ARHGEF10L: variants seen among roughly 807,000 people sequenced by gnomAD.
ARHGEF10L encodes the protein Rho guanine nucleotide exchange factor 10 like, also known as rho guanine nucleotide exchange factor 10-like protein.
In ARHGEF10L, 69 loss-of-function variants were observed where a neutral mutation model predicts 141.2. That is an observed-to-expected ratio of 0.49 (90% confidence interval 0.40 to 0.60). The LOEUF is 0.60. Among genes scored for constraint, ARHGEF10L ranks in the 20% least tolerant of loss-of-function variants. ARHGEF10L has a pLI of 0.00. For missense variants in ARHGEF10L, 1,482 were observed against 1,734.3 expected, an observed-to-expected ratio of 0.85 and a Z score of 2.58; for synonymous variants, 711 against 718.5, an observed-to-expected ratio of 0.99 and a Z score of 0.17.
At chr1:17,521,978 C>T in the ARHGEF10L span, among the ~76,000 whole-genome samples, 5 of 152,194 alleles carry the variant, frequency 3.3e-5, no homozygotes, top group African/African-American at 4.8e-5. Context: ...TTACGTAGCC[C>T]CCAGCTACCA....
chr1:17,619,230 C>A lies in ARHGEF10L; in HGVS notation c.836-109C>A. 9.1e-7 allele frequency: 1 copy of A among 1,103,810 alleles called. No individual in the cohort carries two copies. Among genetic ancestry groups the A allele is most frequent in the Non-Finnish European group, 1.3e-6 (1 of 753,942 alleles). The allele number at this position is 1,103,810 out of a possible 1,614,324, so 68.4% of individuals were successfully genotyped here. A position where few individuals can be genotyped will look rare whatever the true frequency, so the allele number is the denominator to read the frequency against. On this transcript the variant is annotated intron_variant, in intron 9 of 28. Transcript: ENST00000361221. This position sits in a 1 kb window ranked among gnomAD's most constrained non-coding sequence, Gnocchi z 5.0. ...ACGGGGCCCCAGGAGCTGCTTGCAC[C>A]CTAGGACCTGGGTCCAAGGCTGGTC...
Position 17,616,217 on chromosome 1 carries a change from G to A in ARHGEF10L, c.835+15G>A, listed in dbSNP as rs774419319. On this transcript the variant is annotated intron_variant, in intron 9 of 28. Coordinates refer to ENST00000361221, the MANE Select transcript of ARHGEF10L (RefSeq NM_018125.4). ...GGACGTCCTCGGTGAGGCGCTGCCC[G>A]AGCGGGAGGGTCTGGTGCCCAGCTC... The A allele has an allele frequency of 3.1e-6, 5 of 1,600,716 alleles. No homozygotes were observed. Among genetic ancestry groups the A allele is most frequent in the East Asian group, 4.5e-5 (2 of 44,708 alleles).
chr1:17,658,013 C>T (rs572376544), intron 25 of ARHGEF10L, among the ~76,000 whole-genome samples: 2 of 152,326 alleles, frequency 1.3e-5, no homozygotes, highest in East Asian at 1.9e-4. Flanking sequence ...GCCTGGGGTC[C>T]GTGTTTGGAT....
the ARHGEF10L span, among the ~76,000 whole-genome samples, chr1:17,533,177 G>A: frequency 2.6e-5 from 4 of 152,166 alleles, no homozygotes; most frequent in Non-Finnish European, 5.9e-5. Context: ...TCAAGGCTAG[G>A]ACAGAGTGTC....
chr1:17,617,663 A>T (rs926674912), intron 9 of ARHGEF10L, among the ~76,000 whole-genome samples: 1 of 152,244 alleles, frequency 6.6e-6, no homozygotes, highest in African/African-American at 2.4e-5. Flanking sequence ...ACAGGCCTCG[A>T]GCCAGGCAGG....
At chr1:17,670,121 C>T (rs1447102626) in intron 26 of ARHGEF10L, among the ~76,000 whole-genome samples, 1 of 152,258 alleles carries the variant, frequency 6.6e-6, no homozygotes, top group Admixed American at 6.5e-5. Flanking sequence ...AGAGGCAGCC[C>T]GCAAGTGGCC....
In ARHGEF10L at chr1:17,673,633, A is replaced by G. The variant is rs1396328254; in HGVS notation, c.3009+9038A>G. Among the ~76,000 whole-genome samples, 1 of 152,132 alleles carries G rather than the reference A, an allele frequency of 6.6e-6. No homozygotes were observed. Among genetic ancestry groups the G allele is most frequent in the Non-Finnish European group, 1.5e-5 (1 of 68,000 alleles). On this transcript the variant is annotated intron_variant, in intron 26 of 28. Coordinates refer to ENST00000361221, the MANE Select transcript of ARHGEF10L (RefSeq NM_018125.4). The surrounding 1 kb of genome is among the most constrained non-coding windows in gnomAD (Gnocchi z 4.1). The stretch of plus-strand genomic sequence containing the variant: ...TGAGCCTGGCAGCGGGGTAGCAGGG[A>G]AGGTCCACAGGAGGCAACCTCTGCA...
chr1:17,696,930 C>T lies in ARHGEF10L; in HGVS notation c.3390C>T (p.Ile1130=). The T allele has an allele frequency of 6.2e-7, 1 of 1,612,390 alleles. No homozygotes were observed. The highest frequency in any genetic ancestry group is 8.5e-7 in the Non-Finnish European group (1 of 1,179,642). Residue 1130 remains isoleucine, a synonymous_variant, in exon 29 of 29, where the codon ATC becomes ATT. Transcript: ENST00000361221. ...CTACCAGCATCCTGGCCCCTGACAT[C>T]CTGCGGAGTGACCAGGAGGAGGCTG... ...AVATSILAPD[I]LRSDQEEAEG...
rs927955390 is a variant in ARHGEF10L at position 17,673,387 on chromosome 1, T to C, written c.3009+8792T>C. 4.6e-5 allele frequency among the ~76,000 whole-genome samples: 7 copies of C among 152,064 alleles called. No individual in the cohort carries two copies. Among genetic ancestry groups the C allele is most frequent in the Admixed American group, 6.5e-5 (1 of 15,282 alleles). On this transcript the variant is annotated intron_variant, in intron 26 of 28. Transcript: ENST00000361221. The surrounding 1 kb of genome is among the most constrained non-coding windows in gnomAD (Gnocchi z 4.1). Reference sequence around the variant, plus strand: ...CCCAAGGGGCAGCTGCCCAGTCCTTTTGGAACTTGGCAAGGAACAAATAGA... The same window carrying C: ...CCCAAGGGGCAGCTGCCCAGTCCTTCTGGAACTTGGCAAGGAACAAATAGA...
intron 25 of ARHGEF10L, among the ~76,000 whole-genome samples, chr1:17,659,603 A>G (rs903654163): frequency 2.6e-5 from 4 of 152,330 alleles, no homozygotes; most frequent in Middle Eastern, 3.4e-3. Context: ...TATCAACCTC[A>G]GAACCCACCA....
Position 17,632,456 on chromosome 1 carries a change from A to G in ARHGEF10L, c.1720A>G (p.Ile574Val), listed in dbSNP as rs2060750811. ...LLNDMLVCAN[I>V]NFKPANHRGQ... Reference sequence around the variant, plus strand: ...CAACGACATGCTTGTCTGTGCCAACATCAACTTCAAGTAAGTGGGCCTGGG... The same window carrying G: ...CAACGACATGCTTGTCTGTGCCAACGTCAACTTCAAGTAAGTGGGCCTGGG... The change falls in exon 16 of 29, where the codon ATC (isoleucine) becomes GTC (valine). Residue 574 changes from isoleucine (I) to valine (V), a missense_variant. Physicochemically the swap from Ile to Val is conservative, Grantham distance 29. Around this residue, in one of 3 missense-constraint regions of ARHGEF10L, gnomAD observed 858 missense variants for 966.3 expected, o/e 0.89. Coordinates refer to ENST00000361221, the MANE Select transcript of ARHGEF10L (RefSeq NM_018125.4). 6.2e-7 allele frequency: 1 copy of G among 1,614,112 alleles called. No homozygotes were observed. The highest frequency in any genetic ancestry group is 8.5e-7 in the Non-Finnish European group (1 of 1,180,004).
chr1:17,548,829 A>T (rs1486456590), intron 1 of ARHGEF10L, among the ~76,000 whole-genome samples: 3 of 149,890 alleles, frequency 2.0e-5, no homozygotes, highest in East Asian at 2.0e-4. Flanking sequence ...TTGTATTTTT[A>T]GTAGAGACAG....
At chr1:17,641,344 A>G (rs962717408) in intron 21 of ARHGEF10L, among the ~76,000 whole-genome samples, 4 of 152,178 alleles carry the variant, frequency 2.6e-5, no homozygotes, top group African/African-American at 4.8e-5. Flanking sequence ...TAACACATTT[A>G]TGGAAGGCCG....
Position 17,573,202 on chromosome 1 carries a change from C to T in ARHGEF10L, c.-43-7351C>T, listed in dbSNP as rs2100386885. 6.6e-6 allele frequency among the ~76,000 whole-genome samples: 1 copy of T among 152,300 alleles called. No individual in the cohort carries two copies. The highest frequency in any genetic ancestry group is 1.9e-4 in the East Asian group (1 of 5,176). ...GTGTCTAAAAAGGAGGTGAGGAAACCCACCTCTCAGGCTGCCTGCAGCCTA... is the reference window on the plus strand; with the variant it reads ...GTGTCTAAAAAGGAGGTGAGGAAACTCACCTCTCAGGCTGCCTGCAGCCTA... On this transcript the variant is annotated intron_variant, in intron 1 of 28. Coordinates refer to ENST00000361221, the MANE Select transcript of ARHGEF10L (RefSeq NM_018125.4). The surrounding 1 kb of genome is among the most constrained non-coding windows in gnomAD (Gnocchi z 4.8).
rs764289679 is a variant in ARHGEF10L, at chr1:17,621,989, G to T, written c.1020+48G>T. ...AGGGTCTCTGGGGAGAAGCAGGGAG[G>T]GCCCTGGAGGGTAACTTTATACGGA... is the stretch of plus-strand genomic sequence containing the variant. On this transcript the variant is annotated intron_variant, in intron 11 of 28. Transcript: ENST00000361221. This position sits in a 1 kb window ranked among gnomAD's most constrained non-coding sequence, Gnocchi z 4.1. The T allele has an allele frequency of 2.7e-5, 43 of 1,595,396 alleles. No homozygotes were observed. Among genetic ancestry groups the T allele is most frequent in the Non-Finnish European group, 3.6e-5 (42 of 1,163,260 alleles).
At chr1:17,572,379 C>T (rs1305909987) in intron 1 of ARHGEF10L, among the ~76,000 whole-genome samples, 3 of 152,292 alleles carry the variant, frequency 2.0e-5, no homozygotes, top group Admixed American at 1.3e-4. Flanking sequence ...CGATGGAGAG[C>T]GTGGTGCGGG....
chr1:17,632,962 T>C (rs1173473714), intron 16 of ARHGEF10L, among the ~76,000 whole-genome samples: 3 of 152,238 alleles, frequency 2.0e-5, no homozygotes, highest in Non-Finnish European at 1.5e-5. Flanking sequence ...AAAGCCCGGC[T>C]GCTGGGCTGT....
chr1:17,634,772 G>C lies in ARHGEF10L; in HGVS notation c.1746-63G>C, dbSNP rs2060900991. The C allele has an allele frequency of 3.9e-6, 6 of 1,522,460 alleles. No homozygotes were observed. In the East Asian group the frequency reaches 1.2e-4, roughly 31 times the overall value. 94.3% of individuals were successfully genotyped at this position (1,522,460 alleles called of 1,614,324 possible). On this transcript the variant is annotated intron_variant, in intron 17 of 28. Transcript: ENST00000361221. ...AGCTGGTGTGGAGGAGCAATGCCCTGGGCCAGCCCTGGGGCAGGGTGGCTG... is the reference window on the plus strand; with the variant it reads ...AGCTGGTGTGGAGGAGCAATGCCCTCGGCCAGCCCTGGGGCAGGGTGGCTG...
In ARHGEF10L at chr1:17,625,805, G is replaced by T. The variant is rs912377799; in HGVS notation, c.1318-151G>T. ...GAGGGATCCCTGGCTGCAGAACCAC[G>T]GACCTCTCTCAGCTCTTCTTGCAAG... On this transcript the variant is annotated intron_variant, in intron 13 of 28. Coordinates refer to ENST00000361221, the MANE Select transcript of ARHGEF10L (RefSeq NM_018125.4). This position sits in a 1 kb window ranked among gnomAD's most constrained non-coding sequence, Gnocchi z 4.5. 7.5e-6 allele frequency: 5 copies of T among 667,062 alleles called. No homozygotes were observed. Among genetic ancestry groups the T allele is most frequent in the Non-Finnish European group, 2.6e-6 (1 of 386,820 alleles). The allele number at this position is 667,062 out of a possible 1,614,324, so 41.3% of individuals were successfully genotyped here. A position where few individuals can be genotyped will look rare whatever the true frequency, so the allele number is the denominator to read the frequency against.
Sources: allele counts gnomAD v4.1 joint callset (sites outside exome capture counted in the v4.1 genomes callset), GRCh38; gene constraint gnomAD v4.1.1; regional missense constraint gnomAD v4.1.1; non-coding constraint Gnocchi (gnomAD v3.1); transcripts MANE v1.5; gene names NCBI Gene and HGNC (gene_info 2026-07-23, HGNC 2026-07-21).